The following ZNF732 variants were observed in gnomAD, a reference collection of about 807,000 sequenced individuals.
The protein encoded by ZNF732 is zinc finger protein LOC654254.
In ZNF732, 12 loss-of-function variants were observed where a neutral mutation model predicts 11.5. The observed-to-expected ratio is 1.05, with a 90% CI of 0.67 to 1.70. ZNF732 has a LOEUF of 1.70. ZNF732 is among the 40% of genes most tolerant of loss of function. ZNF732 has a pLI of 0.00. For missense variants in ZNF732, 702 were observed against 676.9 expected, an observed-to-expected ratio of 1.04 and a Z score of -0.41; for synonymous variants, 231 against 236.5, an observed-to-expected ratio of 0.98 and a Z score of 0.21.
rs1329220999 is a variant in ZNF732, at chr4:271,462, CTTA to C, written c.1392_1394del (p.His464_Lys465delinsGln). ...AAGGTTTCTCTCCAGTATGAATTTT[CTTA>C]TGTTTACTCAGGTATGCAGACCATC... is the stretch of plus-strand genomic sequence containing the variant. On this transcript the variant is annotated inframe_deletion, in exon 4 of 4. Transcript: ENST00000419098. 3 of 1,607,756 alleles carry C rather than the reference CTTA, an allele frequency of 1.9e-6. No individual in the cohort carries two copies. The African/African-American group carries it at 4.0e-5, about 22-fold the overall frequency.
At chr4:277,683 C>A (rs1469645310) in intron 3 of ZNF732, among the ~76,000 whole-genome samples, 1 of 151,386 alleles carries the variant, frequency 6.6e-6, no homozygotes, top group African/African-American at 2.4e-5. Flanking sequence ...AGAAAAAAAA[C>A]AAGTATCACA....
At chr4:304,820 C>G (rs1031810377) in intron 1 of ZNF732, among the ~76,000 whole-genome samples, 1 of 152,244 alleles carries the variant, frequency 6.6e-6, no homozygotes, top group Non-Finnish European at 1.5e-5. Flanking sequence ...TGATTTGCTT[C>G]GCTTCCTCAC....
Position 271,595 on chromosome 4 carries a change from T to A in ZNF732, c.1262A>T (p.Glu421Val). ...CCATCCAAAGGCTTTGCCACACTCT[T>A]CACATTTGTGGGGCCTCTCTCCAGT... Reference protein sequence around the residue: ...IHTGERPHKCEECGKAFGWST... With the variant: ...IHTGERPHKCVECGKAFGWST... The change falls in exon 4 of 4, where the codon GAA becomes GTA. Residue 421 changes from glutamate (E) to valine (V), a missense_variant. This residue lies in a region of ZNF732 where 596 missense variants were observed against 557.9 expected (regional missense o/e 1.07). Transcript: ENST00000419098. 6.2e-7 allele frequency: 1 copy of A among 1,613,306 alleles called. No individual in the cohort carries two copies. The highest frequency in any genetic ancestry group is 8.5e-7 in the Non-Finnish European group (1 of 1,179,552).
intron 3 of ZNF732, among the ~76,000 whole-genome samples, chr4:294,571 A>T (rs1188529346): frequency 6.6e-6 from 1 of 152,226 alleles, no homozygotes; most frequent in Non-Finnish European, 1.5e-5. Flanking sequence ...ACATTTAAGA[A>T]ATCTAGAAGG....
rs782180030 is a variant in ZNF732, at chr4:272,627, A to G, written c.230T>C (p.Val77Ala). 5.0e-5 allele frequency: 76 copies of G among 1,508,430 alleles called. No homozygotes were observed. Among genetic ancestry groups the G allele is most frequent in the Non-Finnish European group, 6.2e-5 (70 of 1,131,980 alleles). 93.4% of individuals were successfully genotyped at this position (1,508,430 alleles called of 1,614,324 possible). Reference sequence around the variant, plus strand: ...AAAGTCTTGGGTGAAATGAGAACACACAGCTGAAAGAAATAAAAATAAATT... The same window carrying G: ...AAAGTCTTGGGTGAAATGAGAACACGCAGCTGAAAGAAATAAAAATAAATT... ...IHETVAKHPA[V>A]CSHFTQDFLP... is the part of the protein sequence containing the mutation. Residue 77 changes from valine to alanine, a missense_variant, in exon 4 of 4, where the codon GTG (valine) becomes GCG (alanine). By Grantham distance (64) the Val-to-Ala change is moderately conservative. This residue lies in a region of ZNF732 where 596 missense variants were observed against 557.9 expected (regional missense o/e 1.07). Coordinates refer to ENST00000419098, the MANE Select transcript of ZNF732 (RefSeq NM_001137608.3).
intron 3 of ZNF732, among the ~76,000 whole-genome samples, chr4:293,502 A>G (rs1289471944): frequency 2.6e-5 from 4 of 152,050 alleles, no homozygotes; most frequent in Non-Finnish European, 5.9e-5. Context: ...AAAAGCAGAA[A>G]GTAGAATGGT....
intron 3 of ZNF732, among the ~76,000 whole-genome samples, chr4:293,230 TATG>T: frequency 7.4e-6 from 1 of 134,712 alleles, no homozygotes; most frequent in Middle Eastern, 3.9e-3. Flanking sequence ...ATAGCCAAAA[TATG>T]GTGTGTGTGT....
chr4:305,068 AC>A (rs1720202599), intron 1 of ZNF732, among the ~76,000 whole-genome samples: 5 of 152,110 alleles, frequency 3.3e-5, no homozygotes, highest in Admixed American at 3.3e-4. Flanking sequence ...TCCTCACCCC[AC>A]AGCCCAGGGA....
At chr4:297,480 T>G (rs1430582757) in intron 1 of ZNF732, among the ~76,000 whole-genome samples, 1 of 151,940 alleles carries the variant, frequency 6.6e-6, no homozygotes, top group African/African-American at 2.4e-5. Context: ...TCCTTTCTAT[T>G]TTCCTACAAT....
At chr4:304,806 C>A (rs1341663336) in intron 1 of ZNF732, among the ~76,000 whole-genome samples, 3 of 152,230 alleles carry the variant, frequency 2.0e-5, no homozygotes, top group Non-Finnish European at 2.9e-5. Flanking sequence ...TTGGAGCGGG[C>A]GGGTGATTTG....
intron 3 of ZNF732, among the ~76,000 whole-genome samples, chr4:286,219 T>A (rs1719725621): frequency 6.6e-6 from 1 of 152,160 alleles, no homozygotes; most frequent in African/African-American, 2.4e-5. Flanking sequence ...AAGAGAAACA[T>A]CAGAAGCATC....
chr4:293,278 A>ATG (rs1188211660), intron 3 of ZNF732, among the ~76,000 whole-genome samples: 27 of 130,222 alleles, frequency 2.1e-4, no homozygotes, highest in Admixed American at 3.0e-4. Context: ...GTATATATGT[A>ATG]TGTGTATATA....
chr4:278,096 T>C lies in ZNF732; in HGVS notation c.227-5466A>G, dbSNP rs1392788301. 4.6e-5 allele frequency among the ~76,000 whole-genome samples: 7 copies of C among 152,266 alleles called. No homozygotes were observed. The East Asian group carries it at 7.7e-4, about 17-fold the overall frequency. On this transcript the variant is annotated intron_variant, in intron 3 of 3. Coordinates refer to ENST00000419098, the MANE Select transcript of ZNF732 (RefSeq NM_001137608.3). ...ACAACAGGAATGAACCTGGAGGCCA[T>C]TACGTTAAGTGAAATAAAAGATACA...
intron 1 of ZNF732, among the ~76,000 whole-genome samples, chr4:298,303 C>T (rs1720002601): frequency 6.6e-6 from 1 of 152,122 alleles, no homozygotes; most frequent in South Asian, 2.1e-4. Flanking sequence ...CTCCAGACTG[C>T]AAGTTCCTTG....
chr4:293,067 C>CAAAAA (rs1227557602), intron 3 of ZNF732, among the ~76,000 whole-genome samples: 4 of 35,152 alleles, frequency 1.1e-4, no homozygotes, highest in Admixed American at 4.3e-4. Flanking sequence ...GACTCCATCT[C>CAAAAA]AAAAAAAAAA....
intron 1 of ZNF732, among the ~76,000 whole-genome samples, chr4:302,251 G>A (rs1421093215): frequency 2.0e-5 from 3 of 151,962 alleles, no homozygotes; most frequent in Non-Finnish European, 4.4e-5. Flanking sequence ...ACAGTGTGAG[G>A]AAAAATATAA....
At chr4:300,823 G>A (rs149655631) in intron 1 of ZNF732, among the ~76,000 whole-genome samples, 4 of 152,124 alleles carry the variant, frequency 2.6e-5, no homozygotes, top group African/African-American at 7.2e-5. Context: ...AGGACTTCAC[G>A]TCTAAAACAC....
At chr4:303,254 A>G (rs1553843848) in intron 1 of ZNF732, among the ~76,000 whole-genome samples, 1 of 152,142 alleles carries the variant, frequency 6.6e-6, no homozygotes, top group African/African-American at 2.4e-5. Context: ...TCTAAACCAA[A>G]GTATAAAAGA....
chr4:294,553 G>C (rs1373163650), intron 3 of ZNF732, among the ~76,000 whole-genome samples: 1 of 152,170 alleles, frequency 6.6e-6, no homozygotes, highest in African/African-American at 2.4e-5. Context: ...GCTGGTTAAT[G>C]ACATAGAACA....
Sources: allele counts gnomAD v4.1 joint callset (sites outside exome capture counted in the v4.1 genomes callset), GRCh38; gene constraint gnomAD v4.1.1; regional missense constraint gnomAD v4.1.1; transcripts MANE v1.5; gene names NCBI Gene and HGNC (gene_info 2026-07-23, HGNC 2026-07-21).